The following MED12L variants were observed in gnomAD, a reference collection of about 807,000 sequenced individuals.
MED12L encodes mediator of RNA polymerase II transcription subunit 12-like protein.
A neutral mutation model predicts 281.3 loss-of-function variants in MED12L; 60 were observed. The ratio of observed to expected loss-of-function variants is 0.21; its 90% CI spans 0.17 to 0.26. MED12L has a LOEUF of 0.26. Among genes scored for constraint, MED12L ranks in the 10% least tolerant of loss-of-function variants. The pLI is 1.00. For synonymous variants in MED12L, 974 were observed against 987.2 expected (o/e 0.99, Z 0.25); for missense variants, 2,146 against 2,680.9 (o/e 0.80, Z 4.41).
chr3:151,264,659 C>G (rs945645639), intron 16 of MED12L, among the ~76,000 whole-genome samples: 1 of 152,192 alleles, frequency 6.6e-6, no homozygotes, highest in Non-Finnish European at 1.5e-5. Context: ...GGAGCAGGAG[C>G]CTCCTGTGAC....
rs7610120 is a variant in MED12L, at chr3:151,296,678, C to T, written c.2251-53381C>T. On this transcript the variant is annotated intron_variant, in intron 16 of 44. Transcript: ENST00000687756. ...GGTAGCCATTTTCCCCAGTAAATCT[C>T]TTGGCCATTTAAGCACATTTTATCA... 2.0e-3 allele frequency among the ~76,000 whole-genome samples: 299 copies of T among 152,134 alleles called. 2 individuals are homozygous for T. The highest frequency in any genetic ancestry group is 6.8e-3 in the African/African-American group (282 of 41,488).
chr3:151,400,160 A>G (rs1302177910), intron 39 of MED12L, among the ~76,000 whole-genome samples: 1 of 152,210 alleles, frequency 6.6e-6, no homozygotes, highest in Non-Finnish European at 1.5e-5. Flanking sequence ...CAATATCGAC[A>G]TCTAGGGAAG....
At chr3:151,256,381 A>G (rs543699778) in intron 16 of MED12L, among the ~76,000 whole-genome samples, 1 of 152,198 alleles carries the variant, frequency 6.6e-6, no homozygotes, top group South Asian at 2.1e-4. Flanking sequence ...TCTGTGCTTT[A>G]CTCTGTGGTC....
At chr3:151,204,539 T>G (rs910288164) in intron 16 of MED12L, among the ~76,000 whole-genome samples, 35 of 152,224 alleles carry the variant, frequency 2.3e-4, no homozygotes, top group African/African-American at 8.4e-4. Context: ...ACTGTGAACT[T>G]CATCATCATA....
chr3:151,378,278 T>G, intron 31 of MED12L, 105 bp downstream of exon 31: 1 of 1,203,946 alleles, frequency 8.3e-7, no homozygotes, highest in Admixed American at 3.4e-5. Flanking sequence ...CCACTGAAAT[T>G]TAGTTTTTAA....
chr3:151,432,148 A>G (rs1719606181), intron 44 of MED12L, among the ~76,000 whole-genome samples: 1 of 152,212 alleles, frequency 6.6e-6, no homozygotes, highest in African/African-American at 2.4e-5. Context: ...TGAATACTCC[A>G]GAGTTAAACA....
At chr3:151,373,059 T>C (rs1756386707) in intron 27 of MED12L, among the ~76,000 whole-genome samples, 1 of 152,232 alleles carries the variant, frequency 6.6e-6, no homozygotes, top group South Asian at 2.1e-4. Flanking sequence ...GTAGATTGTA[T>C]ATTTTATTCT....
intron 27 of MED12L, among the ~76,000 whole-genome samples, chr3:151,373,875 C>A (rs1037490845): frequency 7.9e-5 from 12 of 152,108 alleles, no homozygotes; most frequent in Non-Finnish European, 1.3e-4. Flanking sequence ...GAGAACGTTA[C>A]TGAGAAACCA....
intron 16 of MED12L, among the ~76,000 whole-genome samples, chr3:151,273,370 G>A (rs1374673455): frequency 1.3e-5 from 2 of 149,566 alleles, no homozygotes; most frequent in Non-Finnish European, 3.0e-5. Context: ...TGGGATTACA[G>A]GCACACACCA....
Position 151,115,922 on chromosome 3 carries a change from G to T in MED12L, c.100-416G>T, listed in dbSNP as rs1200322316. Among the ~76,000 whole-genome samples, 8 of 151,656 alleles carry T rather than the reference G, an allele frequency of 5.3e-5. No individual in the cohort carries two copies. The East Asian group carries it at 1.6e-3, about 30-fold the overall frequency. On this transcript the variant is annotated intron_variant, in intron 2 of 44. Coordinates refer to ENST00000687756, the MANE Select transcript of MED12L (RefSeq NM_001393769.1). ...AAAGTACAAAAATTAGCCGGGCATC[G>T]TGGCAGGCGACTGTATGTAATCCCA...
chr3:151,184,453 T>G (rs1723037698), intron 11 of MED12L, among the ~76,000 whole-genome samples: 1 of 152,206 alleles, frequency 6.6e-6, no homozygotes, highest in Admixed American at 6.5e-5. Flanking sequence ...TATCTAGTTT[T>G]TCTGGCATCA....
At chr3:151,104,383 T>G (rs1286989800) in intron 2 of MED12L, among the ~76,000 whole-genome samples, 3 of 152,178 alleles carry the variant, frequency 2.0e-5, no homozygotes, top group Non-Finnish European at 4.4e-5. Context: ...TTCCCCAGCC[T>G]CCTTTAAAAA....
intron 9 of MED12L, among the ~76,000 whole-genome samples, chr3:151,164,389 A>T (rs1328270485): frequency 2.0e-5 from 3 of 152,108 alleles, no homozygotes; most frequent in Non-Finnish European, 4.4e-5. Flanking sequence ...TATTTGTTTC[A>T]AAGCCTTATG....
At chr3:151,347,885 A>G (rs1452457132) in intron 16 of MED12L, among the ~76,000 whole-genome samples, 1 of 152,184 alleles carries the variant, frequency 6.6e-6, no homozygotes, top group African/African-American at 2.4e-5. Context: ...GGACTTGGCA[A>G]GTGGCACAAC....
rs940701895 is a variant in MED12L at position 151,165,444 on chromosome 3, G to T, written c.1282G>T (p.Glu428Ter). 6.2e-7 allele frequency: 1 copy of T among 1,613,838 alleles called. No homozygotes were observed. Residue 428 changes from glutamate to a stop codon, truncating the protein, a stop_gained, in exon 10 of 45, where the codon GAA (glutamate) becomes TAA (stop). Transcript: ENST00000687756. LOFTEE classifies it high-confidence loss of function. ...GGTTCGGGCAAGGATTTATGAAGTA[G>T]AACAACAGATAAAACAAAGAGGCCG... The part of the protein sequence containing the change: ...QQVRARIYEV[E>*]QQIKQRGRAV...
At chr3:151,391,747 TG>T (rs1243024541) in intron 38 of MED12L, among the ~76,000 whole-genome samples, 1 of 152,236 alleles carries the variant, frequency 6.6e-6, no homozygotes, top group African/African-American at 2.4e-5. Flanking sequence ...ACTTTCTTAT[TG>T]ATTTATTATC....
chr3:151,107,197 A>G lies in MED12L; in HGVS notation c.100-9141A>G, dbSNP rs138163791. Reference sequence around the variant, plus strand: ...TGTTGTTTTTCGGAGTTGTTGCTCTAGGAATTACAGTCTACACCCTACCTA... The same window carrying G: ...TGTTGTTTTTCGGAGTTGTTGCTCTGGGAATTACAGTCTACACCCTACCTA... On this transcript the variant is annotated intron_variant, in intron 2 of 44. Transcript: ENST00000687756. Among the ~76,000 whole-genome samples, 22 of 151,124 alleles carry G rather than the reference A, an allele frequency of 1.5e-4. No individual in the cohort carries two copies. The East Asian group carries it at 4.3e-3, about 29-fold the overall frequency.
chr3:151,106,677 A>G (rs1256910061), intron 2 of MED12L, among the ~76,000 whole-genome samples: 1 of 152,056 alleles, frequency 6.6e-6, no homozygotes, highest in Non-Finnish European at 1.5e-5. Context: ...ATCCATGCCC[A>G]TCCTCTGTCT....
chr3:151,158,010 G>A (rs1719505420), intron 6 of MED12L, among the ~76,000 whole-genome samples: 1 of 152,164 alleles, frequency 6.6e-6, no homozygotes, highest in Admixed American at 6.5e-5. Context: ...TGCATATGAA[G>A]GCAAGAGACA....
Sources: allele counts gnomAD v4.1 joint callset (sites outside exome capture counted in the v4.1 genomes callset), GRCh38; gene constraint gnomAD v4.1.1; transcripts MANE v1.5; gene names NCBI Gene and HGNC (gene_info 2026-07-23, HGNC 2026-07-21).